SLC13A3: variants seen among roughly 807,000 people sequenced by gnomAD.
SLC13A3 encodes the protein Na(+)/dicarboxylate cotransporter 3.
SLC13A3 carries 40 observed loss-of-function variants against 59.0 expected under a neutral mutation model. The ratio of observed to expected loss-of-function variants is 0.68; its 90% CI spans 0.53 to 0.88. The LOEUF is 0.88. Ranked by LOEUF, SLC13A3 falls within the 40% of genes least tolerant of loss-of-function variation. The pLI is 0.00. For synonymous variants in SLC13A3, 317 were observed against 330.3 expected, an observed-to-expected ratio of 0.96 and a Z score of 0.44; for missense variants, 699 against 783.2, an observed-to-expected ratio of 0.89 and a Z score of 1.28.
At position 46,583,526 on chromosome 20, in the gene SLC13A3, G is replaced by A. The variant is rs200493517; in HGVS notation, c.1219+46C>T. On this transcript the variant is annotated intron_variant, in intron 9 of 12. Transcript: ENST00000279027. ...GCCCTTGATGACCACACTCCATGCC[G>A]CAGTCCTCACTGAGCCCACCGAGAC... 309 of 1,581,304 alleles carry A rather than the reference G, an allele frequency of 2.0e-4. 1 individual carries two copies. The African/African-American group carries it at 3.5e-3, about 18-fold the overall frequency.
intron 3 of SLC13A3, chr20:46,608,816 A>G: frequency 6.7e-7 from 1 of 1,487,720 alleles, no homozygotes; most frequent in South Asian, 1.4e-5. Flanking sequence ...TCACTGAGGT[A>G]AATGATCCAA....
intron 1 of SLC13A3, among the ~76,000 whole-genome samples, chr20:46,621,223 G>T (rs1427949124): frequency 6.6e-6 from 1 of 152,212 alleles, no homozygotes; most frequent in East Asian, 1.9e-4. Context: ...CCACAGCAAT[G>T]CTCCTGCTCC....
chr20:46,606,331 C>T (rs1458848600), intron 3 of SLC13A3, among the ~76,000 whole-genome samples: 1 of 152,178 alleles, frequency 6.6e-6, no homozygotes. Context: ...ACCTGGCTCT[C>T]GTTTCTCACG....
In SLC13A3 at chr20:46,603,950, C is replaced by G. The variant is rs562137942; in HGVS notation, c.542-3913G>C. 9.5e-5 allele frequency among the ~76,000 whole-genome samples: 14 copies of G among 147,612 alleles called. No individual in the cohort carries two copies. In the South Asian group the frequency reaches 2.2e-3, roughly 23 times the overall value. ...AGGCTGCAGTGAACCGTGATCATGC[C>G]ACTGCACTCCATCTTGGGTGACAGA... On this transcript the variant is annotated intron_variant, in intron 3 of 12. Transcript: ENST00000279027.
chr20:46,656,557 A>G (rs2062995886), intron 1 of SLC13A3, among the ~76,000 whole-genome samples: 1 of 146,806 alleles, frequency 6.8e-6, no homozygotes, highest in East Asian at 2.0e-4. Flanking sequence ...ATTATACTGT[A>G]TATGATATAT....
At chr20:46,606,028 C>A (rs750157730) in intron 3 of SLC13A3, among the ~76,000 whole-genome samples, 3 of 152,180 alleles carry the variant, frequency 2.0e-5, no homozygotes, top group Non-Finnish European at 4.4e-5. Context: ...TTTGTGTATT[C>A]ATTAATTCCA....
intron 1 of SLC13A3, among the ~76,000 whole-genome samples, chr20:46,627,888 G>A (rs893961709): frequency 2.0e-5 from 3 of 152,210 alleles, no homozygotes; most frequent in Non-Finnish European, 4.4e-5. Flanking sequence ...GAGGTCTGGA[G>A]AGGAGGTGTA....
At chr20:46,646,359 C>T (rs1425229864) in intron 1 of SLC13A3, among the ~76,000 whole-genome samples, 2 of 152,184 alleles carry the variant, frequency 1.3e-5, no homozygotes, top group Non-Finnish European at 2.9e-5. Flanking sequence ...GTTTGAACTT[C>T]CTACATCTGA....
At chr20:46,584,504 C>G in intron 8 of SLC13A3, 5 of 985,280 alleles carry the variant, frequency 5.1e-6, no homozygotes, top group African/African-American at 1.7e-5. Context: ...GCTCTTTCCA[C>G]TCACACATTT....
Position 46,651,444 on chromosome 20 carries a change from G to T in SLC13A3, c.-23C>A, listed in dbSNP as rs1156936123. ...CATCAGCGCGATCGCCTGGCGGTAC[G>T]GGCCGGCCCGGGACTGCCCCGCCTG... On this transcript the variant is annotated 5_prime_UTR_variant, in exon 1 of 13. Transcript: ENST00000279027. 3 of 1,457,228 alleles carry T rather than the reference G, an allele frequency of 2.1e-6. No individual in the cohort carries two copies. Among genetic ancestry groups the T allele is most frequent in the Non-Finnish European group, 2.7e-6 (3 of 1,112,366 alleles). The allele number at this position is 1,457,228 out of a possible 1,614,324, so 90.3% of individuals were successfully genotyped here. A position where few individuals can be genotyped will look rare whatever the true frequency, so the allele number is the denominator to read the frequency against.
intron 2 of SLC13A3, among the ~76,000 whole-genome samples, chr20:46,612,324 G>A (rs2062507673): frequency 1.3e-5 from 2 of 151,718 alleles, no homozygotes; most frequent in Admixed American, 1.3e-4. Flanking sequence ...GTAGAGACAG[G>A]GGTTTTACCA....
At chr20:46,595,070 C>T (rs998610321) in intron 5 of SLC13A3, among the ~76,000 whole-genome samples, 7 of 152,198 alleles carry the variant, frequency 4.6e-5, no homozygotes, top group Admixed American at 2.0e-4. Context: ...TTTGCAGCCA[C>T]GTTGAATATC....
chr20:46,651,571 C>CG, upstream of SLC13A3: 1 of 1,299,084 alleles, frequency 7.7e-7, no homozygotes, highest in Non-Finnish European at 9.8e-7. Flanking sequence ...GTGGTGCCTG[C>CG]GCCCCTGGGA....
At chr20:46,626,573 C>A (rs1178659948) in intron 1 of SLC13A3, among the ~76,000 whole-genome samples, 2 of 152,058 alleles carry the variant, frequency 1.3e-5, no homozygotes, top group Non-Finnish European at 2.9e-5. Context: ...CCAGAGTGAC[C>A]CCCAAATGCC....
At chr20:46,573,378 G>T (rs2062046836) in intron 10 of SLC13A3, among the ~76,000 whole-genome samples, 1 of 152,146 alleles carries the variant, frequency 6.6e-6, no homozygotes, top group Non-Finnish European at 1.5e-5. Flanking sequence ...TGATTACTCG[G>T]ACTGCCTCTA....
In SLC13A3 at chr20:46,566,366, C is replaced by T. The variant is rs772524422; in HGVS notation, c.1357G>A (p.Gly453Ser). Residue 453 changes from glycine to serine, a missense_variant, in exon 11 of 13, where the codon GGT becomes AGT. Physicochemically the swap from Gly to Ser is moderately conservative, Grantham distance 56. Transcript: ENST00000279027. ...TTCTCCAGGGGGTGCAGCTGCCCAC[C>T]AATCCATACAGACAGCCCCGATTCC... ...CEESGLSVWI[G>S]GQLHPLENVP... The T allele has an allele frequency of 1.9e-6, 3 of 1,613,076 alleles. No homozygotes were observed. Among genetic ancestry groups the T allele is most frequent in the South Asian group, 2.2e-5 (2 of 90,994 alleles).
At chr20:46,604,013 A>G (rs895685299) in intron 3 of SLC13A3, among the ~76,000 whole-genome samples, 3 of 152,174 alleles carry the variant, frequency 2.0e-5, no homozygotes, top group Admixed American at 2.0e-4. Flanking sequence ...AAAAGACAGA[A>G]AGAATTTAAC....
intron 9 of SLC13A3, chr20:46,583,296 C>A: frequency 1.2e-6 from 1 of 809,016 alleles, no homozygotes; most frequent in Non-Finnish European, 1.6e-6. Context: ...TTTTTTTCAA[C>A]CATTTAAAAA....
intron 1 of SLC13A3, among the ~76,000 whole-genome samples, chr20:46,658,555 C>T (rs1813756474): frequency 6.6e-6 from 1 of 152,212 alleles, no homozygotes; most frequent in African/African-American, 2.4e-5. Flanking sequence ...GTGGCTCACA[C>T]CTGTAATCCC....
Sources: gnomAD v4.1 joint callset for allele counts (sites outside exome capture counted in the v4.1 genomes callset) on GRCh38, gnomAD v4.1.1 for gene constraint, MANE v1.5 for transcripts, NCBI Gene and HGNC (gene_info 2026-07-23, HGNC 2026-07-21) for gene names.